ZC3H11A: variants seen among roughly 807,000 people sequenced by gnomAD.
ZC3H11A encodes the protein zinc finger CCCH-type containing 11A, also known as zinc finger CCCH domain-containing protein 11A.
Under a neutral mutation model 90.8 loss-of-function variants are expected in ZC3H11A, and 22 were observed. That is an observed-to-expected ratio of 0.24 (90% CI 0.17 to 0.35). The LOEUF (loss-of-function observed/expected upper bound fraction) is 0.35. Among genes scored for constraint, ZC3H11A ranks in the 10% least tolerant of loss-of-function variants. The pLI is 1.00. For missense variants in ZC3H11A, 701 were observed against 964.9 expected (o/e 0.73, Z 3.62); for synonymous variants, 294 against 339.8 (o/e 0.87, Z 1.48).
At chr1:203,821,761 TG>T (rs1678769808) in intron 4 of ZC3H11A, among the ~76,000 whole-genome samples, 1 of 151,788 alleles carries the variant, frequency 6.6e-6, no homozygotes, top group Non-Finnish European at 1.5e-5. Context: ...TTTTTGGTTT[TG>T]TTTTTTTTTT....
chr1:203,848,246 C>T (rs1688414093), intron 13 of ZC3H11A, 85 bp from the exon 14 acceptor site: 1 of 1,127,732 alleles, frequency 8.9e-7, no homozygotes, highest in South Asian at 1.4e-5. Flanking sequence ...TTACTACTTT[C>T]ATTAAATAAA....
intron 8 of ZC3H11A, 86 bp downstream of exon 8, chr1:203,830,289 G>A: frequency 9.8e-7 from 1 of 1,019,016 alleles, no homozygotes; most frequent in East Asian, 2.4e-5. Flanking sequence ...GCCAAAATGA[G>A]CAAATAGATT....
chr1:203,831,537 G>A, intron 8 of ZC3H11A, 124 bp from the exon 9 acceptor site: 1 of 723,868 alleles, frequency 1.4e-6, no homozygotes, highest in South Asian at 1.8e-5. Flanking sequence ...CAGAAAGGCT[G>A]ATTGGCTTAT....
At chr1:203,846,699 AT>A (rs371508536) in intron 12 of ZC3H11A, among the ~76,000 whole-genome samples, 24 of 152,330 alleles carry the variant, frequency 1.6e-4, no homozygotes, top group African/African-American at 5.5e-4. Flanking sequence ...TTTTGTTAAG[AT>A]TTATAATGAC....
intron 3 of ZC3H11A, among the ~76,000 whole-genome samples, chr1:203,817,474 G>A (rs1676740820): frequency 6.6e-6 from 1 of 151,432 alleles, no homozygotes; most frequent in Non-Finnish European, 1.5e-5. Flanking sequence ...AAATGAGTGA[G>A]TGAATAGTTA....
intron 1 of ZC3H11A, 21 bp from the exon 2 acceptor site, chr1:203,801,554 T>C (rs1273568763): frequency 6.6e-6 from 1 of 152,604 alleles, no homozygotes; most frequent in Non-Finnish European, 1.5e-5. Flanking sequence ...AGATCCCAAT[T>C]TTTCCTTTTT....
At chr1:203,820,468 A>ATTGTGTGTGTGTGTGTGTGTGTG (rs1678197827) in intron 4 of ZC3H11A, among the ~76,000 whole-genome samples, 1 of 150,384 alleles carries the variant, frequency 6.6e-6, no homozygotes, top group Non-Finnish European at 1.5e-5. Flanking sequence ...ATCACAAATT[A>ATTGTGTGTGTGTGTGTGTGTGTG]TGTGTGTGTG....
chr1:203,804,763 T>C (rs11240538), intron 2 of ZC3H11A, among the ~76,000 whole-genome samples: 28,481 of 150,728 alleles, frequency 0.19, 3,183 homozygotes, highest in East Asian at 0.44. Flanking sequence ...ACCTCTGCCT[T>C]CCAGGTTCAA....
chr1:203,834,506 A>G (rs935678654), intron 10 of ZC3H11A, among the ~76,000 whole-genome samples: 1 of 152,180 alleles, frequency 6.6e-6, no homozygotes, highest in Admixed American at 6.5e-5. Flanking sequence ...TCCTGGGCTC[A>G]AGTGATCTGT....
At chr1:203,812,536 A>G (rs1306478087) in intron 2 of ZC3H11A, among the ~76,000 whole-genome samples, 1 of 149,286 alleles carries the variant, frequency 6.7e-6, no homozygotes, top group African/African-American at 2.5e-5. Context: ...CATCCTCACC[A>G]GCATTTAGTG....
intron 2 of ZC3H11A, among the ~76,000 whole-genome samples, chr1:203,812,578 A>ATTTTTT (rs386369376): frequency 1.0e-4 from 11 of 109,312 alleles, no homozygotes; most frequent in Non-Finnish European, 1.8e-4. Flanking sequence ...GCCATTCTAA[A>ATTTTTT]TTTTTTTTTT....
chr1:203,818,508 T>C (rs945119860), intron 3 of ZC3H11A, 62 bp from the exon 4 acceptor site: 2 of 1,606,958 alleles, frequency 1.2e-6, no homozygotes, highest in Non-Finnish European at 1.7e-6. Context: ...GCTCTTGTTA[T>C]GGATATTTTA....
intron 5 of ZC3H11A, 25 bp from the exon 6 acceptor site, chr1:203,829,426 T>C: frequency 6.2e-7 from 1 of 1,613,650 alleles, no homozygotes; most frequent in Non-Finnish European, 8.5e-7. Flanking sequence ...CTGTTTTTAA[T>C]TTATGACTGA....
chr1:203,798,797 C>T (rs904392801), intron 1 of ZC3H11A: 3 of 1,536,158 alleles, frequency 2.0e-6, no homozygotes, highest in Non-Finnish European at 2.6e-6. Flanking sequence ...TGCATCCTTA[C>T]AACTATTTCT....
intron 4 of ZC3H11A, among the ~76,000 whole-genome samples, chr1:203,819,176 GTA>G (rs199790996): frequency 6.8e-6 from 1 of 148,030 alleles, no homozygotes; most frequent in South Asian, 2.1e-4. Context: ...ATATGTGTGT[GTA>G]TATATATACA....
At position 203,853,403 on chromosome 1, in the gene ZC3H11A, T is replaced by TG. The variant is rs1331886615; in HGVS notation, c.*1009dup. Reference sequence around the variant, plus strand: ...CTGTGCCAGGGATATTGAGATGCTCTGGGGGTGTATTGTATACCTGCCAGT... The same window carrying TG: ...CTGTGCCAGGGATATTGAGATGCTCTGGGGGGTGTATTGTATACCTGCCAGT... On this transcript the variant is annotated 3_prime_UTR_variant, in exon 18 of 18. Transcript: ENST00000367210. 1 of 152,590 alleles carries TG rather than the reference T, an allele frequency of 6.6e-6. No individual in the cohort carries two copies. Among genetic ancestry groups the TG allele is most frequent in the African/African-American group, 2.4e-5 (1 of 41,446 alleles). 9.5% of individuals were successfully genotyped at this position (152,590 alleles called of 1,614,324 possible).
chr1:203,833,023 C>T (rs960101490), intron 9 of ZC3H11A, among the ~76,000 whole-genome samples: 2 of 151,564 alleles, frequency 1.3e-5, no homozygotes, highest in African/African-American at 4.9e-5. Context: ...CGCTTGAGGC[C>T]AGGAGTTCAA....
At chr1:203,842,625 C>CTTT (rs575844553) in intron 12 of ZC3H11A, among the ~76,000 whole-genome samples, 1 of 128,322 alleles carries the variant, frequency 7.8e-6, no homozygotes, top group Admixed American at 8.0e-5. Context: ...GAGGGGGAAT[C>CTTT]TTTTTTTTTT....
chr1:203,827,451 C>T (rs897375794), intron 4 of ZC3H11A, among the ~76,000 whole-genome samples: 5 of 149,900 alleles, frequency 3.3e-5, no homozygotes, highest in African/African-American at 7.4e-5. Flanking sequence ...GAGGCTGAGG[C>T]GGGCGGATCA....
Sources: gnomAD v4.1 joint callset for allele counts (sites outside exome capture counted in the v4.1 genomes callset) on GRCh38, gnomAD v4.1.1 for gene constraint, MANE v1.5 for transcripts, NCBI Gene and HGNC (gene_info 2026-07-23, HGNC 2026-07-21) for gene names.